MAN1A1: variants seen among roughly 807,000 people sequenced by gnomAD.
The protein encoded by MAN1A1 is mannosidase alpha class 1A member 1, also known as mannosyl-oligosaccharide 1,2-alpha-mannosidase IA.
A neutral mutation model predicts 70.8 loss-of-function variants in MAN1A1; 29 were observed. The ratio of observed to expected loss-of-function variants is 0.41; its 90% confidence interval spans 0.31 to 0.56. The LOEUF (loss-of-function observed/expected upper bound fraction) is 0.56, where lower values mean the gene tolerates loss of function less well. Ranked by LOEUF, MAN1A1 falls within the 20% of genes least tolerant of loss-of-function variation. The pLI is 0.29. For synonymous variants in MAN1A1, 349 were observed against 330.1 expected (o/e 1.06, Z -0.62); for missense variants, 747 against 841.3 (o/e 0.89, Z 1.39).
At chr6:119,306,865 G>T in intron 3 of MAN1A1, 31 bp downstream of exon 3, 1 of 1,440,352 alleles carries the variant, frequency 6.9e-7, no homozygotes, top group Non-Finnish European at 9.8e-7. Context: ...AGAAGTTATC[G>T]TCACTAAGAA....
chr6:119,184,733 A>T (rs1480519790), intron 11 of MAN1A1, among the ~76,000 whole-genome samples: 1 of 152,126 alleles, frequency 6.6e-6, no homozygotes, highest in Non-Finnish European at 1.5e-5. Context: ...AAAGCCAAAA[A>T]AAAATCCCAA....
intron 4 of MAN1A1, among the ~76,000 whole-genome samples, chr6:119,299,540 A>G (rs1772326303): frequency 6.6e-6 from 1 of 152,142 alleles, no homozygotes; most frequent in African/African-American, 2.4e-5. Flanking sequence ...CAGGCCTAAA[A>G]TATATATGCA....
intron 5 of MAN1A1, among the ~76,000 whole-genome samples, chr6:119,290,082 A>C (rs936361896): frequency 6.6e-6 from 1 of 151,944 alleles, no homozygotes; most frequent in African/African-American, 2.4e-5. Context: ...TGATACAAAA[A>C]TCCTTTCTTA....
intron 2 of MAN1A1, 122 bp from the exon 3 acceptor site, chr6:119,307,114 G>C (rs1025406779): frequency 2.2e-5 from 14 of 640,096 alleles, no homozygotes; most frequent in Non-Finnish European, 3.0e-5. Flanking sequence ...GGATGACTAA[G>C]TAAAAGAATT....
intron 2 of MAN1A1, among the ~76,000 whole-genome samples, chr6:119,346,099 C>CT (rs1275467887): frequency 6.6e-6 from 1 of 152,170 alleles, no homozygotes; most frequent in African/African-American, 2.4e-5. Context: ...GAGCCAGACT[C>CT]TGTCTCCAAA....
At chr6:119,186,655 T>G (rs905391419) in intron 11 of MAN1A1, among the ~76,000 whole-genome samples, 6 of 152,188 alleles carry the variant, frequency 3.9e-5, no homozygotes, top group African/African-American at 1.4e-4. Context: ...CTCTTCCACC[T>G]TCTTTTCCTG....
chr6:119,234,799 C>T (rs1355047501), intron 6 of MAN1A1, among the ~76,000 whole-genome samples: 1 of 152,176 alleles, frequency 6.6e-6, no homozygotes, highest in Non-Finnish European at 1.5e-5. Context: ...CTTTATTGCA[C>T]TTCACAGATA....
chr6:119,268,039 G>A (rs1347736894), intron 5 of MAN1A1, among the ~76,000 whole-genome samples: 1 of 152,184 alleles, frequency 6.6e-6, no homozygotes, highest in East Asian at 1.9e-4. Context: ...ATGTTATCAG[G>A]AGGCACTATG....
intron 2 of MAN1A1, among the ~76,000 whole-genome samples, chr6:119,314,966 T>C (rs907514786): frequency 7.2e-5 from 11 of 152,186 alleles, no homozygotes; most frequent in African/African-American, 2.4e-4. Flanking sequence ...AAACCATGAA[T>C]TCCTCTCCTC....
At position 119,346,957 on chromosome 6, in the gene MAN1A1, C is replaced by T. The variant is rs1429154300; in HGVS notation, c.603+1506G>A. Among the ~76,000 whole-genome samples, 3 of 152,148 alleles carry T rather than the reference C, an allele frequency of 2.0e-5. No individual in the cohort carries two copies. In the East Asian group the frequency reaches 5.8e-4, roughly 29 times the overall value. ...AAGAGGTAGAGCTTTGTTCCACCTT[C>T]CTGATTTGGTAGCACAGGCAGGATT... On this transcript the variant is annotated intron_variant, in intron 2 of 12. Transcript: ENST00000368468.
At chr6:119,349,420 G>A (rs1773840526) in intron 1 of MAN1A1, 122 bp downstream of exon 1, 5 of 905,676 alleles carry the variant, frequency 5.5e-6, no homozygotes, top group Non-Finnish European at 6.7e-6. Context: ...TCCGGGCACC[G>A]CCCTCGCAGC....
At chr6:119,327,836 T>C (rs1391051552) in intron 2 of MAN1A1, among the ~76,000 whole-genome samples, 5 of 152,050 alleles carry the variant, frequency 3.3e-5, no homozygotes, top group Non-Finnish European at 5.9e-5. Context: ...AATGAATGAA[T>C]GAATGAAAAG....
At chr6:119,210,174 C>T (rs1028328) in intron 6 of MAN1A1, among the ~76,000 whole-genome samples, 55,775 of 151,956 alleles carry the variant, frequency 0.37, 10,751 homozygotes, top group Non-Finnish European at 0.39. Context: ...GAGAGGCACT[C>T]TCTGATTCCA....
chr6:119,341,018 T>C (rs1397092014), intron 2 of MAN1A1, among the ~76,000 whole-genome samples: 1 of 152,224 alleles, frequency 6.6e-6, no homozygotes, highest in Non-Finnish European at 1.5e-5. Context: ...CGTGTACTTT[T>C]CAATTTTATT....
intron 2 of MAN1A1, among the ~76,000 whole-genome samples, chr6:119,334,999 A>G (rs1373761192): frequency 6.6e-6 from 1 of 152,198 alleles, no homozygotes; most frequent in Non-Finnish European, 1.5e-5. Context: ...ACTCCATTCA[A>G]CACCCTCTCT....
At chr6:119,242,986 G>T (rs1166021081) in intron 6 of MAN1A1, among the ~76,000 whole-genome samples, 2 of 152,004 alleles carry the variant, frequency 1.3e-5, no homozygotes, top group Non-Finnish European at 2.9e-5. Context: ...ACTGGGGGAA[G>T]AAAAAGAAAC....
At chr6:119,234,353 C>T (rs1354378200) in intron 6 of MAN1A1, among the ~76,000 whole-genome samples, 1 of 151,978 alleles carries the variant, frequency 6.6e-6, no homozygotes, top group Non-Finnish European at 1.5e-5. Flanking sequence ...AGTTTCTGAA[C>T]TCATTTTTAA....
intron 5 of MAN1A1, among the ~76,000 whole-genome samples, chr6:119,268,776 G>A (rs899679979): frequency 1.1e-4 from 16 of 152,090 alleles, no homozygotes; most frequent in African/African-American, 3.6e-4. Context: ...TGTTAGAGAT[G>A]GGGTTTCATA....
rs544929867 is a variant in MAN1A1 at position 119,216,369 on chromosome 6, G to A, written c.993-11487C>T. The stretch of plus-strand genomic sequence containing the variant: ...TGGGTGCTGATAGTAGAGATGGACT[G>A]ACGTGGAGGAACTGGAGCGATGTTC... On this transcript the variant is annotated intron_variant, in intron 6 of 12. Transcript: ENST00000368468. 7.2e-5 allele frequency among the ~76,000 whole-genome samples: 11 copies of A among 152,316 alleles called. No individual in the cohort carries two copies. The South Asian group carries it at 2.1e-3, about 29-fold the overall frequency.
Sources: allele counts gnomAD v4.1 joint callset (sites outside exome capture counted in the v4.1 genomes callset), GRCh38; gene constraint gnomAD v4.1.1; transcripts MANE v1.5; gene names NCBI Gene and HGNC (gene_info 2026-07-23, HGNC 2026-07-21).